The following MACROD2 variants were observed in gnomAD, a reference collection of about 807,000 sequenced individuals.
MACROD2 encodes ADP-ribose glycohydrolase MACROD2.
In MACROD2, 36 loss-of-function variants were observed where a neutral mutation model predicts 70.4. The ratio of observed to expected loss-of-function variants is 0.51; its 90% confidence interval spans 0.39 to 0.68. The LOEUF is 0.68. Ranked by LOEUF, MACROD2 falls within the 30% of genes least tolerant of loss-of-function variation. The pLI, the probability that MACROD2 is intolerant of heterozygous loss-of-function variation, is 0.00. For missense variants in MACROD2, 496 were observed against 538.4 expected, an observed-to-expected ratio of 0.92 and a Z score of 0.78; for synonymous variants, 172 against 178.8, an observed-to-expected ratio of 0.96 and a Z score of 0.30.
At chr20:14,778,968 CTTTGCT>C (rs1351757530) in intron 5 of MACROD2, among the ~76,000 whole-genome samples, 3 of 152,110 alleles carry the variant, frequency 2.0e-5, no homozygotes, top group Non-Finnish European at 4.4e-5. Flanking sequence ...GTACAGTCCT[CTTTGCT>C]TTTTTAAAAA....
At chr20:14,746,092 A>G (rs538757176) in intron 5 of MACROD2, among the ~76,000 whole-genome samples, 10 of 152,232 alleles carry the variant, frequency 6.6e-5, no homozygotes, top group South Asian at 6.2e-4. Flanking sequence ...ATTTATTTCC[A>G]TGGAAAACAA....
rs1355194157 is a variant in MACROD2, at chr20:14,085,687, G to T, written c.230G>T (p.Gly77Val). 1 of 1,570,812 alleles carries T rather than the reference G, an allele frequency of 6.4e-7. No homozygotes were observed. Among genetic ancestry groups the T allele is most frequent in the Non-Finnish European group, 8.6e-7 (1 of 1,157,716 alleles). ...ACTGAAAAAGTTTCTCTCTATAGAG[G>T]TGACATCACATTGCTAGAGGTAGAT... ...SLTEKVSLYR[G>V]DITLLEVDAI... Residue 77 changes from glycine (G) to valine (V), a missense_variant, in exon 3 of 18, where the codon GGT (glycine) becomes GTT (valine). Coordinates refer to ENST00000684519, the MANE Select transcript of MACROD2 (RefSeq NM_001351661.2).
At chr20:14,379,201 C>T (rs1189213302) in intron 3 of MACROD2, among the ~76,000 whole-genome samples, 3 of 152,024 alleles carry the variant, frequency 2.0e-5, no homozygotes, top group African/African-American at 7.2e-5. Flanking sequence ...TTACCAGGGT[C>T]GTATAATTAG....
intron 5 of MACROD2, among the ~76,000 whole-genome samples, chr20:15,177,950 T>G (rs1008878026): frequency 6.6e-6 from 1 of 152,142 alleles, no homozygotes; most frequent in African/African-American, 2.4e-5. Context: ...TGCTTTTTTT[T>G]TTTTCTTTCT....
At chr20:14,279,691 C>T (rs2082289880) in intron 3 of MACROD2, among the ~76,000 whole-genome samples, 1 of 152,146 alleles carries the variant, frequency 6.6e-6, no homozygotes, top group African/African-American at 2.4e-5. Context: ...TACTCTAATA[C>T]TGTTTAATTG....
chr20:14,415,962 AT>A (rs11481895), intron 3 of MACROD2, among the ~76,000 whole-genome samples: 267 of 140,136 alleles, frequency 1.9e-3, no homozygotes, highest in Middle Eastern at 7.4e-3. Flanking sequence ...GTTGTCCTCT[AT>A]TTTTTTTTTT....
intron 12 of MACROD2, among the ~76,000 whole-genome samples, chr20:15,963,275 GT>G (rs1266204080): frequency 6.6e-6 from 1 of 151,474 alleles, no homozygotes; most frequent in African/African-American, 2.4e-5. Context: ...GTGTATAGCA[GT>G]TTTTTTTTGG....
At chr20:15,783,598 T>G (rs932381606) in intron 8 of MACROD2, among the ~76,000 whole-genome samples, 25 of 152,186 alleles carry the variant, frequency 1.6e-4, no homozygotes, top group African/African-American at 6.0e-4. Context: ...TAGGTAAGGA[T>G]ACAGCTTACT....
At chr20:14,622,238 T>A (rs1022295873) in intron 4 of MACROD2, among the ~76,000 whole-genome samples, 2 of 152,124 alleles carry the variant, frequency 1.3e-5, no homozygotes, top group African/African-American at 2.4e-5. Flanking sequence ...TTATATCCCA[T>A]GACATGAAGA....
chr20:14,993,341 A>T (rs142643490), intron 5 of MACROD2, among the ~76,000 whole-genome samples: 1 of 151,978 alleles, frequency 6.6e-6, no homozygotes, highest in African/African-American at 2.4e-5. Flanking sequence ...ACTGCCCTCA[A>T]ATTCTTGGAA....
chr20:14,473,565 T>C (rs2084554859), intron 3 of MACROD2, among the ~76,000 whole-genome samples: 1 of 151,948 alleles, frequency 6.6e-6, no homozygotes, highest in Non-Finnish European at 1.5e-5. Context: ...GACACTTAGG[T>C]TGATTCTCTT....
At chr20:14,079,551 T>C (rs935333443) in intron 2 of MACROD2, among the ~76,000 whole-genome samples, 2 of 152,208 alleles carry the variant, frequency 1.3e-5, no homozygotes, top group Non-Finnish European at 2.9e-5. Context: ...AGATGAAACA[T>C]ATTTTCTTCC....
At chr20:15,379,161 A>G (rs1326872824) in intron 6 of MACROD2, among the ~76,000 whole-genome samples, 1 of 152,208 alleles carries the variant, frequency 6.6e-6, no homozygotes, top group African/African-American at 2.4e-5. Flanking sequence ...ATGACTATAT[A>G]TGAATGTGTT....
intron 6 of MACROD2, among the ~76,000 whole-genome samples, chr20:15,275,962 G>A (rs2077387195): frequency 4.6e-5 from 7 of 152,288 alleles, no homozygotes; most frequent in Admixed American, 4.6e-4. Context: ...CTTGTAGTGG[G>A]AATGCAAGGA....
At position 14,651,658 on chromosome 20, in the gene MACROD2, A is replaced by T. The variant is rs78183934; in HGVS notation, c.302-33185A>T. On this transcript the variant is annotated intron_variant, in intron 4 of 17. Coordinates refer to ENST00000684519, the MANE Select transcript of MACROD2 (RefSeq NM_001351661.2). The stretch of plus-strand genomic sequence containing the variant: ...TATCATGCATAGTGGCATGTCAGGA[A>T]GTTCAAGTGTGAGAAAGCCACTTTG... Among the ~76,000 whole-genome samples the T allele has an allele frequency of 6.4e-3, 970 of 152,324 alleles. 6 individuals are homozygous for T. The highest frequency in any genetic ancestry group is 0.022 in the African/African-American group (895 of 41,572).
chr20:14,852,911 A>G (rs2073214219), intron 5 of MACROD2, among the ~76,000 whole-genome samples: 1 of 152,172 alleles, frequency 6.6e-6, no homozygotes, highest in Non-Finnish European at 1.5e-5. Context: ...AGTCTACAGC[A>G]TGTTTCAAAG....
chr20:15,537,715 A>G (rs2047895879), intron 8 of MACROD2, among the ~76,000 whole-genome samples: 1 of 151,878 alleles, frequency 6.6e-6, no homozygotes, highest in African/African-American at 2.4e-5. Flanking sequence ...CTCAAGTGAT[A>G]TGCCCACCTT....
chr20:15,255,309 A>G (rs1568671564), intron 6 of MACROD2, among the ~76,000 whole-genome samples: 1 of 151,986 alleles, frequency 6.6e-6, no homozygotes, highest in East Asian at 1.9e-4. Context: ...CCTGTGTTTG[A>G]TTTGTAAAGT....
rs796706112 is a variant in MACROD2 at position 15,078,307 on chromosome 20, C to T, written c.419-151633C>T. On this transcript the variant is annotated intron_variant, in intron 5 of 17. Coordinates refer to ENST00000684519, the MANE Select transcript of MACROD2 (RefSeq NM_001351661.2). Reference sequence around the variant, plus strand: ...TGCTCCTTGGAATATCCATAGTCCTCCATTTCAGTTTCCAAAGTACCCCTT... The same window carrying T: ...TGCTCCTTGGAATATCCATAGTCCTTCATTTCAGTTTCCAAAGTACCCCTT... Among the ~76,000 whole-genome samples the T allele has an allele frequency of 3.3e-4, 50 of 152,196 alleles. 1 individual carries two copies. The highest frequency in any genetic ancestry group is 3.4e-3 in the Middle Eastern group (1 of 294).
Sources: allele counts gnomAD v4.1 joint callset (sites outside exome capture counted in the v4.1 genomes callset), GRCh38; gene constraint gnomAD v4.1.1; transcripts MANE v1.5; gene names NCBI Gene and HGNC (gene_info 2026-07-23, HGNC 2026-07-21).